Variants in PCNP observed in about 807,000 individuals in gnomAD.
PCNP encodes the protein PEST proteolytic signal containing nuclear protein.
In PCNP, 6 loss-of-function variants were observed where a neutral mutation model predicts 21.8. The ratio of observed to expected loss-of-function variants is 0.28; its 90% CI spans 0.15 to 0.54. PCNP has a LOEUF of 0.54. PCNP is among the 20% of genes least tolerant of loss of function. The pLI is 0.95. For missense variants in PCNP, 161 were observed against 215.5 expected (o/e 0.75, Z 1.58); for synonymous variants, 67 against 73.2 (o/e 0.92, Z 0.43).
intron 3 of PCNP, among the ~76,000 whole-genome samples, chr3:101,587,418 T>TA (rs1392264107): frequency 6.6e-6 from 1 of 152,102 alleles, no homozygotes; most frequent in Non-Finnish European, 1.5e-5. Context: ...AAAATTACTG[T>TA]AGTCATCAGT....
intron 3 of PCNP, among the ~76,000 whole-genome samples, chr3:101,587,002 C>T (rs1025982315): frequency 6.6e-6 from 1 of 152,070 alleles, no homozygotes; most frequent in Admixed American, 6.6e-5. Flanking sequence ...GGCTGTAATC[C>T]CAACACTTTG....
chr3:101,580,428 A>T (rs1935163710), intron 2 of PCNP, among the ~76,000 whole-genome samples: 1 of 152,156 alleles, frequency 6.6e-6, no homozygotes, highest in East Asian at 1.9e-4. Context: ...ATTAAAAAAA[A>T]AATCTTTTTT....
chr3:101,592,448 A>G (rs1384353711), intron 4 of PCNP, among the ~76,000 whole-genome samples, 179 bp from the exon 5 acceptor site: 2 of 152,170 alleles, frequency 1.3e-5, no homozygotes, highest in African/African-American at 4.8e-5. Context: ...TGCTGGGATT[A>G]CAGGTATCAG....
chr3:101,576,863 C>T, intron 1 of PCNP: 3 of 1,608,280 alleles, frequency 1.9e-6, no homozygotes, highest in South Asian at 1.1e-5. Context: ...GCAGTGATGG[C>T]AAAGGCTATT....
chr3:101,575,544 A>G (rs1205155672), intron 1 of PCNP, among the ~76,000 whole-genome samples: 2 of 151,256 alleles, frequency 1.3e-5, no homozygotes, highest in Admixed American at 6.6e-5. Flanking sequence ...ACCATCTACT[A>G]CTTTCTCACT....
At chr3:101,586,571 T>TGTGTGTGTGTGTGAGAGAGA in intron 3 of PCNP, among the ~76,000 whole-genome samples, 2 of 114,142 alleles carry the variant, frequency 1.8e-5, no homozygotes, top group African/African-American at 3.0e-5. Flanking sequence ...TGTGTGTGTG[T>TGTGTGTGTGTGTGAGAGAGA]GAGAGAGAGA....
In PCNP at chr3:101,580,045, A is replaced by G. The variant is rs778569218; in HGVS notation, c.279+41A>G. ...ATATATGATGTTTGTAATGGGTCTTAAGGATTTGCTTTGGAAACGTGGCGT... is the reference window on the plus strand; with the variant it reads ...ATATATGATGTTTGTAATGGGTCTTGAGGATTTGCTTTGGAAACGTGGCGT... On this transcript the variant is annotated intron_variant, in intron 2 of 4. Coordinates refer to ENST00000265260, the MANE Select transcript of PCNP (RefSeq NM_020357.3). 5 of 1,433,320 alleles carry G rather than the reference A, an allele frequency of 3.5e-6. No homozygotes were observed. The South Asian group carries it at 5.7e-5, about 16-fold the overall frequency. The allele number at this position is 1,433,320 out of a possible 1,614,324, so 88.8% of individuals were successfully genotyped here. A position where few individuals can be genotyped will look rare whatever the true frequency, so the allele number is the denominator to read the frequency against.
intron 3 of PCNP, among the ~76,000 whole-genome samples, chr3:101,589,137 G>A (rs1935677144): frequency 6.6e-6 from 1 of 151,922 alleles, no homozygotes; most frequent in Non-Finnish European, 1.5e-5. Context: ...GTCTCTTACT[G>A]TAAGGAAGAG....
chr3:101,591,096 T>C (rs909276354), intron 4 of PCNP, among the ~76,000 whole-genome samples: 16 of 152,344 alleles, frequency 1.1e-4, no homozygotes, highest in African/African-American at 3.8e-4. Context: ...CGATATAATT[T>C]CTACCACTTT....
intron 3 of PCNP, among the ~76,000 whole-genome samples, chr3:101,589,410 C>T (rs1230631170): frequency 6.8e-6 from 1 of 146,042 alleles, no homozygotes; most frequent in Admixed American, 6.8e-5. Flanking sequence ...AATGAGCTCT[C>T]TTTTTTTTTT....
chr3:101,576,518 G>C, intron 1 of PCNP: 2 of 1,609,858 alleles, frequency 1.2e-6, no homozygotes, highest in African/African-American at 1.3e-5. Context: ...CCCACGGTGC[G>C]GCCACGGCGG....
intron 2 of PCNP, 116 bp from the exon 3 acceptor site, chr3:101,585,321 A>G (rs941941091): frequency 6.2e-5 from 40 of 646,626 alleles, no homozygotes; most frequent in African/African-American, 3.4e-4. Flanking sequence ...GTTCGTTACT[A>G]TACAAATTTC....
upstream of PCNP, chr3:101,574,094 CT>C: frequency 7.1e-7 from 1 of 1,413,586 alleles, no homozygotes; most frequent in Non-Finnish European, 9.3e-7. Context: ...AAGGCGGCCT[CT>C]TTTCATTCCT....
At chr3:101,585,341 A>G (rs1472192312) in intron 2 of PCNP, 96 bp from the exon 3 acceptor site, 4 of 720,172 alleles carry the variant, frequency 5.6e-6, no homozygotes, top group South Asian at 1.9e-5. Flanking sequence ...CTGTGGAAAT[A>G]TAGTTAAATC....
intron 2 of PCNP, among the ~76,000 whole-genome samples, chr3:101,584,351 C>T (rs2108282798): frequency 6.6e-6 from 1 of 152,262 alleles, no homozygotes; most frequent in South Asian, 2.1e-4. Flanking sequence ...GTTGACCAGG[C>T]TGGCCTGGAA....
intron 1 of PCNP, chr3:101,576,400 A>C: frequency 9.3e-7 from 1 of 1,070,414 alleles, no homozygotes; most frequent in Non-Finnish European, 1.3e-6. Flanking sequence ...ACGCCCAGCT[A>C]ATTTTTGTAT....
intron 1 of PCNP, chr3:101,576,395 C>G: frequency 2.0e-6 from 2 of 1,023,432 alleles, no homozygotes; most frequent in Non-Finnish European, 2.7e-6. Flanking sequence ...CCACCACGCC[C>G]AGCTAATTTT....
In PCNP at chr3:101,590,878, A is replaced by G. The variant is rs1576623987; in HGVS notation, c.410+608A>G. Among the ~76,000 whole-genome samples, 3 of 150,606 alleles carry G rather than the reference A, an allele frequency of 2.0e-5. No homozygotes were observed. In the South Asian group the frequency reaches 6.3e-4, roughly 32 times the overall value. On this transcript the variant is annotated intron_variant, in intron 4 of 4. Coordinates refer to ENST00000265260, the MANE Select transcript of PCNP (RefSeq NM_020357.3). ...TTTCAAATAAGAAATAGCTATGAGAAATGTTTCTGATTTCAAAATTTTTGC... is the reference window on the plus strand; with the variant it reads ...TTTCAAATAAGAAATAGCTATGAGAGATGTTTCTGATTTCAAAATTTTTGC...
intron 3 of PCNP, among the ~76,000 whole-genome samples, chr3:101,585,817 A>C (rs1050125255): frequency 1.8e-4 from 28 of 152,300 alleles, no homozygotes; most frequent in African/African-American, 6.5e-4. Flanking sequence ...CTGTTGCCTT[A>C]ATAATTTTTA....
Sources: allele counts gnomAD v4.1 joint callset (sites outside exome capture counted in the v4.1 genomes callset), GRCh38; gene constraint gnomAD v4.1.1; transcripts MANE v1.5; gene names NCBI Gene and HGNC (gene_info 2026-07-23, HGNC 2026-07-21).